The following ABRA variants were observed in gnomAD, a reference collection of about 807,000 sequenced individuals.
ABRA encodes the protein actin-binding Rho-activating protein.
Under a neutral mutation model 33.4 loss-of-function variants are expected in ABRA, and 25 were observed. That is an observed-to-expected ratio of 0.75 (90% CI 0.55 to 1.04). The LOEUF (loss-of-function observed/expected upper bound fraction) is 1.04, where lower values mean the gene tolerates loss of function less well. Ranked by LOEUF, ABRA falls within the 50% of genes least tolerant of loss-of-function variation. The pLI is 0.00. For synonymous variants in ABRA, 193 were observed against 176.8 expected (o/e 1.09, Z -0.73); for missense variants, 501 against 491.7 (o/e 1.02, Z -0.18).
At chr8:106,765,990 C>G (rs10283128) in intron 1 of ABRA, among the ~76,000 whole-genome samples, 18,673 of 152,164 alleles carry the variant, frequency 0.12, 1,445 homozygotes, top group East Asian at 0.33. Context: ...AACTTCATCC[C>G]TTCCTCGTTC....
chr8:106,763,000 T>C (rs768551797), intron 1 of ABRA, among the ~76,000 whole-genome samples: 8 of 152,160 alleles, frequency 5.3e-5, no homozygotes, highest in Non-Finnish European at 1.0e-4. Context: ...CCTGGAAGCA[T>C]TGGGATTGCA....
chr8:106,768,794 T>C (rs577535913), intron 1 of ABRA, among the ~76,000 whole-genome samples: 1 of 152,258 alleles, frequency 6.6e-6, no homozygotes, highest in African/African-American at 2.4e-5. Context: ...ACACTGTGCC[T>C]AGCTATTTTT....
At position 106,761,331 on chromosome 8, in the gene ABRA, C is replaced by T. The variant is rs1343374942; in HGVS notation, c.852G>A (p.Glu284=). 1.1e-5 allele frequency: 17 copies of T among 1,614,182 alleles called. No homozygotes were observed. The highest frequency in any genetic ancestry group is 1.4e-5 in the Non-Finnish European group (17 of 1,180,040). ...TTCCTTCTTTGGGGCGGCCATAGCC[C>T]TCATCTCCTTTGTGTAGGCGGGTGG... ...AMSTRLHKGD[E]GYGRPKEGTK... is the part of the protein sequence containing the mutation. The change falls in exon 2 of 2, where the codon GAG becomes GAA. Residue 284 remains glutamate, a synonymous_variant. Transcript: ENST00000311955.
chr8:106,761,194 T>A lies in ABRA; in HGVS notation c.989A>T (p.Gln330Leu). 6.2e-7 allele frequency: 1 copy of A among 1,614,202 alleles called. No homozygotes were observed. The highest frequency in any genetic ancestry group is 1.6e-4 in the Middle Eastern group (1 of 6,062). The change falls in exon 2 of 2, where the codon CAG becomes CTG. Residue 330 changes from glutamine (Q) to leucine (L), a missense_variant. Coordinates refer to ENST00000311955, the MANE Select transcript of ABRA (RefSeq NM_139166.5). ...MARHRRDGKI[Q>L]VTFGDLFDRY... Reference sequence around the variant, plus strand: ...GTCAAAGAGATCTCCAAAAGTAACCTGGATCTTGCCATCTCGTCTGTGGCG... The same window carrying A: ...GTCAAAGAGATCTCCAAAAGTAACCAGGATCTTGCCATCTCGTCTGTGGCG...
At chr8:106,767,390 A>G (rs994142070) in intron 1 of ABRA, among the ~76,000 whole-genome samples, 4 of 152,184 alleles carry the variant, frequency 2.6e-5, no homozygotes, top group Non-Finnish European at 4.4e-5. Context: ...AAGATCCAAA[A>G]GGCCAGAGTT....
rs1323952355 is a variant in ABRA at position 106,760,171 on chromosome 8, T to C, written c.*866A>G. ...TATATGCTGACATGTAATGAAACAA[T>C]AAACTTCTCCAAGAAGTCCTACAAA... On this transcript the variant is annotated 3_prime_UTR_variant, in exon 2 of 2. Transcript: ENST00000311955. 2 of 152,186 alleles carry C rather than the reference T, an allele frequency of 1.3e-5. No individual in the cohort carries two copies. Among genetic ancestry groups the C allele is most frequent in the Non-Finnish European group, 2.9e-5 (2 of 68,026 alleles). 9.4% of individuals were successfully genotyped at this position (152,186 alleles called of 1,614,324 possible). A position where few individuals can be genotyped will look rare whatever the true frequency, so the allele number is the denominator to read the frequency against.
rs1836139131 is a variant in ABRA at position 106,761,458 on chromosome 8, A to T, written c.725T>A (p.Val242Glu). ...NCKAQQKYSP[V>E]GNLKGRWQQW... ...CTGCCATCTCCCTTTCAAGTTGCCC[A>T]CTGGGCTATATTTCTGTTGGGCTTT... Residue 242 changes from valine to glutamate, a missense_variant, in exon 2 of 2, where the codon GTG becomes GAG. Physicochemically the swap from Val to Glu is moderately radical, Grantham distance 121. Transcript: ENST00000311955. 6.2e-7 allele frequency: 1 copy of T among 1,614,028 alleles called. No individual in the cohort carries two copies. The highest frequency in any genetic ancestry group is 1.7e-5 in the Admixed American group (1 of 59,988).
chr8:106,760,818 T>C lies in ABRA; in HGVS notation c.*219A>G, dbSNP rs936008601. The stretch of plus-strand genomic sequence containing the variant: ...ATTTCAACTATTAATACTATTATTA[T>C]ACATTAACATTCTATGTGCTTTCTG... On this transcript the variant is annotated 3_prime_UTR_variant, in exon 2 of 2. Coordinates refer to ENST00000311955, the MANE Select transcript of ABRA (RefSeq NM_139166.5). 6.1e-5 allele frequency: 34 copies of C among 555,486 alleles called. No homozygotes were observed. The highest frequency in any genetic ancestry group is 8.3e-5 in the Non-Finnish European group (26 of 314,906). 34.4% of individuals were successfully genotyped at this position (555,486 alleles called of 1,614,324 possible).
chr8:106,762,638 G>A (rs553633097), intron 1 of ABRA, among the ~76,000 whole-genome samples: 1 of 151,990 alleles, frequency 6.6e-6, no homozygotes, highest in African/African-American at 2.4e-5. Flanking sequence ...ACAGGGAGGG[G>A]AACAGCACAC....
Position 106,760,962 on chromosome 8 carries a change from C to T in ABRA, c.*75G>A. 1.5e-6 allele frequency: 2 copies of T among 1,294,822 alleles called. No individual in the cohort carries two copies. Among genetic ancestry groups the T allele is most frequent in the Non-Finnish European group, 2.2e-6 (2 of 923,792 alleles). The allele number at this position is 1,294,822 out of a possible 1,614,324, so 80.2% of individuals were successfully genotyped here. A position where few individuals can be genotyped will look rare whatever the true frequency, so the allele number is the denominator to read the frequency against. ...TTACTAACTTATTACAGAGAGTTTG[C>T]ATTTTCATTTTACCTACATGAGCAT... On this transcript the variant is annotated 3_prime_UTR_variant, in exon 2 of 2. Transcript: ENST00000311955.
intron 1 of ABRA, among the ~76,000 whole-genome samples, chr8:106,766,221 T>G (rs1836218495): frequency 6.6e-6 from 1 of 152,162 alleles, no homozygotes; most frequent in Non-Finnish European, 1.5e-5. Context: ...ATCAAAAGAC[T>G]GAATATTTTT....
At chr8:106,765,582 C>T (rs950579172) in intron 1 of ABRA, among the ~76,000 whole-genome samples, 9 of 152,104 alleles carry the variant, frequency 5.9e-5, no homozygotes, top group African/African-American at 2.2e-4. Context: ...TTACTGAGAG[C>T]GTGACATCAA....
intron 1 of ABRA, among the ~76,000 whole-genome samples, chr8:106,763,115 T>A (rs1836160445): frequency 6.6e-6 from 1 of 152,204 alleles, no homozygotes; most frequent in African/African-American, 2.4e-5. Flanking sequence ...GATTTGGGTA[T>A]CCCTCACCAT....
In ABRA at chr8:106,769,798, G is replaced by T. The variant is rs147263625; in HGVS notation, c.393C>A (p.Tyr131Ter). The change falls in exon 1 of 2, where the codon TAC becomes TAA. Residue 131 changes from tyrosine to a stop codon, truncating the protein, a stop_gained. Coordinates refer to ENST00000311955, the MANE Select transcript of ABRA (RefSeq NM_139166.5). LOFTEE classifies it high-confidence loss of function. The part of the protein sequence containing the change: ...GGDVSHLSHR[Y>*]ERDAGVLEPG... ...GTTCAAGCACACCAGCATCCCTCTC[G>T]TACCTGTGGCTGAGGTGGCTCACGT... is the stretch of plus-strand genomic sequence containing the variant. 1.2e-6 allele frequency: 2 copies of T among 1,613,994 alleles called. No individual in the cohort carries two copies.
rs1836138932 is a variant in ABRA, at chr8:106,761,454, G to A, written c.729C>T (p.Gly243=). 2 of 1,614,168 alleles carry A rather than the reference G, an allele frequency of 1.2e-6. No homozygotes were observed. The highest frequency in any genetic ancestry group is 1.1e-5 in the South Asian group (1 of 91,078). Residue 243 remains glycine (G), a synonymous_variant, in exon 2 of 2, where the codon GGC becomes GGT. Transcript: ENST00000311955. ...ACTGCTGCCATCTCCCTTTCAAGTT[G>A]CCCACTGGGCTATATTTCTGTTGGG... The part of the protein sequence containing the change: ...CKAQQKYSPV[G]NLKGRWQQWA...
chr8:106,765,536 G>A (rs1836205916), intron 1 of ABRA, among the ~76,000 whole-genome samples: 1 of 152,174 alleles, frequency 6.6e-6, no homozygotes, highest in African/African-American at 2.4e-5. Context: ...GCATTGGTTT[G>A]CTTGTCCTTC....
Position 106,760,928 on chromosome 8 carries a change from G to A in ABRA, c.*109C>T, listed in dbSNP as rs1355321461. 9.9e-7 allele frequency: 1 copy of A among 1,007,788 alleles called. No individual in the cohort carries two copies. The highest frequency in any genetic ancestry group is 1.5e-6 in the Non-Finnish European group (1 of 675,066). 62.4% of individuals were successfully genotyped at this position (1,007,788 alleles called of 1,614,324 possible). A position where few individuals can be genotyped will look rare whatever the true frequency, so the allele number is the denominator to read the frequency against. On this transcript the variant is annotated 3_prime_UTR_variant, in exon 2 of 2. Transcript: ENST00000311955. ...CCAGAAAGTCGTTTATGTAAAAATT[G>A]TTTAATATTTACTAACTTATTACAG... is the stretch of plus-strand genomic sequence containing the variant.
intron 1 of ABRA, among the ~76,000 whole-genome samples, chr8:106,761,798 C>A (rs1011656786): frequency 6.6e-6 from 1 of 152,138 alleles, no homozygotes; most frequent in Non-Finnish European, 1.5e-5. Flanking sequence ...AGCTTCCCCA[C>A]ACAAAGTTAA....
In ABRA at chr8:106,761,599, C is replaced by A. The variant is rs929669105; in HGVS notation, c.669-85G>T. On this transcript the variant is annotated intron_variant, in intron 1 of 1. Coordinates refer to ENST00000311955, the MANE Select transcript of ABRA (RefSeq NM_139166.5). Reference sequence around the variant, plus strand: ...TCCCTTTGTACTTCCCACACATATGCATCTTTAATGTAAGTATAATTTTTT... The same window carrying A: ...TCCCTTTGTACTTCCCACACATATGAATCTTTAATGTAAGTATAATTTTTT... 3.2e-5 allele frequency: 34 copies of A among 1,063,060 alleles called. No homozygotes were observed. In the African/African-American group the frequency reaches 4.9e-4, roughly 15 times the overall value. 65.9% of individuals were successfully genotyped at this position (1,063,060 alleles called of 1,614,324 possible).
Sources: allele counts gnomAD v4.1 joint callset (sites outside exome capture counted in the v4.1 genomes callset), GRCh38; gene constraint gnomAD v4.1.1; transcripts MANE v1.5; gene names NCBI Gene and HGNC (gene_info 2026-07-23, HGNC 2026-07-21).